Variants in TOM1L1 observed in about 807,000 individuals in gnomAD.
TOM1L1 encodes the protein target of myb1 like 1 membrane trafficking protein.
A neutral mutation model predicts 63.4 loss-of-function variants in TOM1L1; 64 were observed. The ratio of observed to expected loss-of-function variants is 1.01; its 90% CI spans 0.83 to 1.24. TOM1L1 has a LOEUF of 1.24. Among genes scored for constraint, TOM1L1 ranks in the 50% most tolerant of loss-of-function variants. TOM1L1 has a pLI of 0.00. For synonymous variants in TOM1L1, 166 were observed against 194.4 expected (o/e 0.85, Z 1.22); for missense variants, 536 against 567.0 (o/e 0.95, Z 0.55).
At chr17:54,930,358 T>C (rs967203157) in intron 8 of TOM1L1, 152 bp downstream of exon 8, 110 of 1,042,634 alleles carry the variant, frequency 1.1e-4, no homozygotes, top group Non-Finnish European at 1.4e-4. Context: ...GTGGGACAGT[T>C]TTCCCTTGTA....
At chr17:54,947,160 G>A in intron 11 of TOM1L1, 101 bp from the exon 12 acceptor site, 1 of 1,093,998 alleles carries the variant, frequency 9.1e-7, no homozygotes, top group Non-Finnish European at 1.4e-6. Context: ...CAGTCTGAAG[G>A]TACCTTTTAG....
At chr17:54,913,538 C>A (rs537145129) in intron 4 of TOM1L1, among the ~76,000 whole-genome samples, 1 of 151,916 alleles carries the variant, frequency 6.6e-6, no homozygotes, top group Non-Finnish European at 1.5e-5. Context: ...TGGTGGCGGG[C>A]GCCTGTAATC....
chr17:54,945,878 G>A (rs2049110431), intron 11 of TOM1L1, among the ~76,000 whole-genome samples: 1 of 151,846 alleles, frequency 6.6e-6, no homozygotes, highest in African/African-American at 2.4e-5. Flanking sequence ...ATCGATATCT[G>A]TTATTGTCTT....
At position 54,931,932 on chromosome 17, in the gene TOM1L1, CTTTT is replaced by C. The variant is rs2048865037; in HGVS notation, c.854+1728_854+1731del. 2.1e-5 allele frequency among the ~76,000 whole-genome samples: 3 copies of C among 140,282 alleles called. No individual in the cohort carries two copies. The South Asian group carries it at 6.8e-4, about 32-fold the overall frequency. 92.0% of individuals were successfully genotyped at this position (140,282 alleles called of 152,430 possible). A position where few individuals can be genotyped will look rare whatever the true frequency, so the allele number is the denominator to read the frequency against. On this transcript the variant is annotated intron_variant, in intron 8 of 15. Transcript: ENST00000575882. ...GGAACCATGCTTGCTTTCTTTCTTT[CTTTT>C]TCTTTTTTCTTCGTTTTTTTTTTGT...
chr17:54,939,910 G>C (rs779154384), intron 11 of TOM1L1, among the ~76,000 whole-genome samples: 2 of 152,116 alleles, frequency 1.3e-5, no homozygotes, highest in African/African-American at 4.8e-5. Context: ...TCTATTGAAG[G>C]AACTAGAACT....
chr17:54,959,268 T>C (rs2077045690), intron 14 of TOM1L1: 1 of 152,156 alleles, frequency 6.6e-6, no homozygotes, highest in African/African-American at 2.4e-5. Context: ...TATATGAATG[T>C]TGTGCTTTCA....
At chr17:54,910,838 G>T (rs1293352867) in intron 3 of TOM1L1, among the ~76,000 whole-genome samples, 1 of 151,972 alleles carries the variant, frequency 6.6e-6, no homozygotes, top group Admixed American at 6.5e-5. Context: ...AAACTATAGC[G>T]TTTTAAGTAT....
At chr17:54,927,120 T>C (rs980379891) in intron 7 of TOM1L1, among the ~76,000 whole-genome samples, 13 of 152,242 alleles carry the variant, frequency 8.5e-5, no homozygotes, top group African/African-American at 3.1e-4. Flanking sequence ...AAAGAGACTA[T>C]ATGAGCAAGT....
chr17:54,911,563 C>T (rs1177357243), intron 3 of TOM1L1, among the ~76,000 whole-genome samples: 1 of 152,200 alleles, frequency 6.6e-6, no homozygotes, highest in African/African-American at 2.4e-5. Flanking sequence ...GGTCCTCATG[C>T]AGAATGAGAG....
At chr17:54,906,177 A>G (rs897978372) in intron 3 of TOM1L1, among the ~76,000 whole-genome samples, 1 of 151,750 alleles carries the variant, frequency 6.6e-6, no homozygotes, top group Non-Finnish European at 1.5e-5. Flanking sequence ...CTCTTAAAAA[A>G]AAAGTTTGTG....
intron 11 of TOM1L1, among the ~76,000 whole-genome samples, chr17:54,945,519 T>C (rs1310492417): frequency 6.6e-6 from 1 of 152,188 alleles, no homozygotes. Context: ...ACCTGTGCCA[T>C]TGTCTCATAG....
chr17:54,960,625 G>A lies in TOM1L1; in HGVS notation c.1430G>A (p.Ter477=), dbSNP rs1341081579. 4 of 1,606,830 alleles carry A rather than the reference G, an allele frequency of 2.5e-6. No homozygotes were observed. Among genetic ancestry groups the A allele is most frequent in the Non-Finnish European group, 3.4e-6 (4 of 1,174,022 alleles). ...QHKGAQNDGD[*] ...AAAGGAGCTCAAAATGATGGTGACT[G>A]AGGTAAAGACTTCAACTTATACAAC... The change falls in exon 15 of 16, where the codon TGA becomes TAA. Residue 477 remains the stop codon, a splice_region_variant and stop_retained_variant. Coordinates refer to ENST00000575882, the MANE Select transcript of TOM1L1 (RefSeq NM_005486.3).
At chr17:54,917,780 A>G (rs1423631569) in intron 7 of TOM1L1, among the ~76,000 whole-genome samples, 1 of 152,168 alleles carries the variant, frequency 6.6e-6, no homozygotes, top group African/African-American at 2.4e-5. Flanking sequence ...TGTAATTGCT[A>G]CTGCTGTGCT....
intron 11 of TOM1L1, among the ~76,000 whole-genome samples, chr17:54,941,603 GAGAA>G (rs372086806): frequency 2.0e-5 from 3 of 152,304 alleles, no homozygotes; most frequent in African/African-American, 7.2e-5. Context: ...TGGGTAATGA[GAGAA>G]AGAATAATAC....
chr17:54,937,355 G>A, intron 10 of TOM1L1, 129 bp downstream of exon 10: 1 of 761,170 alleles, frequency 1.3e-6, no homozygotes, highest in East Asian at 2.5e-5. Context: ...GCTATGTTAG[G>A]AGATGTGATT....
chr17:54,912,405 A>G (rs2048511385), intron 3 of TOM1L1, among the ~76,000 whole-genome samples: 1 of 152,186 alleles, frequency 6.6e-6, no homozygotes, highest in African/African-American at 2.4e-5. Context: ...AGCATTTAGC[A>G]TTTAGTACTC....
chr17:54,961,376 T>C lies in TOM1L1; in HGVS notation c.*143T>C. On this transcript the variant is annotated 3_prime_UTR_variant, in exon 16 of 16. Transcript: ENST00000575882. Reference sequence around the variant, plus strand: ...GGCACATTTCTGCTATAATGAAGATTAAATAGAATAACAGTTCCAGGATAA... The same window carrying C: ...GGCACATTTCTGCTATAATGAAGATCAAATAGAATAACAGTTCCAGGATAA... 6.5e-7 allele frequency: 1 copy of C among 1,550,120 alleles called. No individual in the cohort carries two copies. The highest frequency in any genetic ancestry group is 8.7e-7 in the Non-Finnish European group (1 of 1,146,418).
Position 54,949,580 on chromosome 17 carries a change from A to G in TOM1L1, c.1245A>G (p.Ala415=), listed in dbSNP as rs772839644. 2 of 1,614,056 alleles carry G rather than the reference A, an allele frequency of 1.2e-6. No individual in the cohort carries two copies. The highest frequency in any genetic ancestry group is 2.2e-5 in the South Asian group (2 of 91,052). Residue 415 remains alanine, a synonymous_variant, in exon 13 of 16, where the codon GCA becomes GCG. Transcript: ENST00000575882. ...QPVSLQTIAA[A]PSNQSLPPLP... is the part of the protein sequence containing the mutation. ...TTAGTCTACAAACCATTGCAGCAGCACCATCAAACCAGAGTCTGCCACCTT... is the reference window on the plus strand; with the variant it reads ...TTAGTCTACAAACCATTGCAGCAGCGCCATCAAACCAGAGTCTGCCACCTT...
chr17:54,912,634 AAATAT>A (rs760973958), intron 3 of TOM1L1, 27 bp from the exon 4 acceptor site: 2 of 1,471,982 alleles, frequency 1.4e-6, no homozygotes, highest in Non-Finnish European at 1.8e-6. Context: ...TTTGCCAGAT[AAATAT>A]AATGTTTAAT....
Sources: gnomAD v4.1 joint callset for allele counts (sites outside exome capture counted in the v4.1 genomes callset) on GRCh38, gnomAD v4.1.1 for gene constraint, MANE v1.5 for transcripts, NCBI Gene and HGNC (gene_info 2026-07-23, HGNC 2026-07-21) for gene names.